LRPPRC: variants seen among roughly 807,000 people sequenced by gnomAD.
LRPPRC encodes the protein leucine rich pentatricopeptide repeat containing.
Under a neutral mutation model 180.3 loss-of-function variants are expected in LRPPRC, and 120 were observed. The observed-to-expected ratio is 0.67, with a 90% CI of 0.57 to 0.77. LRPPRC has a LOEUF of 0.77. LRPPRC is among the 30% of genes least tolerant of loss of function. LRPPRC has a pLI of 0.00. For missense variants in LRPPRC, 2,012 were observed against 1,657.2 expected, an observed-to-expected ratio of 1.21 and a Z score of -3.72; for synonymous variants, 723 against 600.0, an observed-to-expected ratio of 1.21 and a Z score of -3.00.
At chr2:43,987,404 A>C (rs1572584845) in intron 1 of LRPPRC, among the ~76,000 whole-genome samples, 1 of 148,406 alleles carries the variant, frequency 6.7e-6, no homozygotes, top group African/African-American at 2.5e-5. Flanking sequence ...CTGAGGCAGG[A>C]GAATGGCGTT....
intron 1 of LRPPRC, 128 bp downstream of exon 1, chr2:43,995,671 G>A (rs1675019133): frequency 2.2e-6 from 2 of 899,354 alleles, no homozygotes; most frequent in South Asian, 2.8e-5. Flanking sequence ...TGCGGAGCCC[G>A]GGGAGGCTAG....
In LRPPRC at chr2:43,935,887, C is replaced by CTCA. The variant is rs538728980; in HGVS notation, c.2505-1010_2505-1009insTGA. ...CAGCACTTTGGGAGGCCAAGGAGGG[C>CTCA]GGATCACCTGAGGTGGAGAAACCCC... is the stretch of plus-strand genomic sequence containing the variant. On this transcript the variant is annotated intron_variant, in intron 23 of 37. Coordinates refer to ENST00000260665, the MANE Select transcript of LRPPRC (RefSeq NM_133259.4). 1.1e-3 allele frequency among the ~76,000 whole-genome samples: 163 copies of CTCA among 152,086 alleles called. 1 individual carries two copies. Among genetic ancestry groups the CTCA allele is most frequent in the African/African-American group, 3.8e-3 (159 of 41,494 alleles).
At chr2:43,956,768 T>C (rs972533256) in intron 14 of LRPPRC, among the ~76,000 whole-genome samples, 25 of 152,042 alleles carry the variant, frequency 1.6e-4, no homozygotes, top group African/African-American at 5.3e-4. Context: ...TGGGCACCGG[T>C]AGTCCCAGCT....
intron 27 of LRPPRC, among the ~76,000 whole-genome samples, chr2:43,919,690 T>C (rs116391223): frequency 0.011 from 1,707 of 152,260 alleles, 41 homozygotes; most frequent in African/African-American, 0.039. Context: ...TCATTTAATA[T>C]AATAAATTAG....
intron 11 of LRPPRC, among the ~76,000 whole-genome samples, chr2:43,971,948 T>C (rs565965188): frequency 2.6e-5 from 4 of 152,138 alleles, no homozygotes; most frequent in Admixed American, 1.3e-4. Context: ...TAAACTTTTA[T>C]ATTTTTTCAG....
chr2:43,974,424 A>G (rs1673958261), intron 8 of LRPPRC, 129 bp from the exon 9 acceptor site: 3 of 835,184 alleles, frequency 3.6e-6, no homozygotes, highest in East Asian at 5.3e-5. Flanking sequence ...CTAAATAACA[A>G]TAAAACACCT....
Position 43,925,975 on chromosome 2 carries a change from T to C in LRPPRC, c.2737-14A>G. 1.3e-6 allele frequency: 2 copies of C among 1,513,190 alleles called. No homozygotes were observed. The highest frequency in any genetic ancestry group is 1.8e-6 in the Non-Finnish European group (2 of 1,087,776). 93.7% of individuals were successfully genotyped at this position (1,513,190 alleles called of 1,614,324 possible). A position where few individuals can be genotyped will look rare whatever the true frequency, so the allele number is the denominator to read the frequency against. On this transcript the variant is annotated splice_polypyrimidine_tract_variant and intron_variant, in intron 25 of 37. Transcript: ENST00000260665. ...AATCCCTGGAGTCTGTAAAATAAAATAATCACATAGCACCCAAGGTAAGGC... is the reference window on the plus strand; with the variant it reads ...AATCCCTGGAGTCTGTAAAATAAAACAATCACATAGCACCCAAGGTAAGGC...
At chr2:43,995,596 C>T (rs999616481) in intron 1 of LRPPRC, among the ~76,000 whole-genome samples, 1 of 152,228 alleles carries the variant, frequency 6.6e-6, no homozygotes, top group Non-Finnish European at 1.5e-5. Context: ...CAGGCCATGC[C>T]CACAGCCGTG....
At chr2:43,891,676 C>T (rs1670497795) in intron 36 of LRPPRC, among the ~76,000 whole-genome samples, 1 of 152,156 alleles carries the variant, frequency 6.6e-6, no homozygotes, top group South Asian at 2.1e-4. Context: ...TTCTGAGACA[C>T]AACAATATTG....
At chr2:43,890,424 A>T in intron 36 of LRPPRC, 1 of 456,068 alleles carries the variant, frequency 2.2e-6, no homozygotes, top group Middle Eastern at 6.1e-4. Context: ...ACACACAAAA[A>T]ACCTATAGGC....
intron 15 of LRPPRC, among the ~76,000 whole-genome samples, chr2:43,950,279 G>A (rs144340094): frequency 6.6e-6 from 1 of 151,844 alleles, no homozygotes; most frequent in African/African-American, 2.4e-5. Flanking sequence ...TGTTACATCG[G>A]TAAACGTGTG....
chr2:43,947,651 GGT>G, intron 19 of LRPPRC, 78 bp downstream of exon 19: 1 of 890,894 alleles, frequency 1.1e-6, no homozygotes, highest in Non-Finnish European at 1.9e-6. Context: ...AGGAATCACT[GGT>G]TTTATAAGTA....
chr2:43,910,056 G>C (rs1454541903), intron 30 of LRPPRC, among the ~76,000 whole-genome samples: 4 of 152,042 alleles, frequency 2.6e-5, no homozygotes, highest in African/African-American at 9.7e-5. Flanking sequence ...GAAATACTTT[G>C]AAATAGTCTA....
chr2:43,973,995 A>C (rs1673936493), intron 9 of LRPPRC, 95 bp from the exon 10 acceptor site: 1 of 1,108,658 alleles, frequency 9.0e-7, no homozygotes, highest in Non-Finnish European at 1.4e-6. Context: ...TGAGCATTTT[A>C]AACCCCGCAT....
At chr2:43,953,453 A>G (rs774236071) in intron 14 of LRPPRC, among the ~76,000 whole-genome samples, 15 of 152,264 alleles carry the variant, frequency 9.9e-5, no homozygotes, top group Non-Finnish European at 1.8e-4. Context: ...GAATAAAGAC[A>G]GATTTGCAAC....
At chr2:43,917,450 T>C (rs1370344973) in intron 29 of LRPPRC, among the ~76,000 whole-genome samples, 1 of 151,520 alleles carries the variant, frequency 6.6e-6, no homozygotes, top group Non-Finnish European at 1.5e-5. Flanking sequence ...TTCAGAACAT[T>C]TCCCTATAAG....
At position 43,894,231 on chromosome 2, in the gene LRPPRC, A is replaced by G. The variant is rs576312181; in HGVS notation, c.3985+314T>C. ...GGGAGACTGAACTGGTTTCTGATAT[A>G]TAAGTCCAAGAGGATTTCCAGGTCT... On this transcript the variant is annotated intron_variant, in intron 36 of 37. Transcript: ENST00000260665. Among the ~76,000 whole-genome samples the G allele has an allele frequency of 3.9e-5, 6 of 152,314 alleles. No individual in the cohort carries two copies. The East Asian group carries it at 7.7e-4, about 20-fold the overall frequency.
chr2:43,950,928 G>A (rs1672876518), intron 14 of LRPPRC, among the ~76,000 whole-genome samples: 1 of 152,162 alleles, frequency 6.6e-6, no homozygotes, highest in African/African-American at 2.4e-5. Flanking sequence ...AAATTAGCCG[G>A]GAGTGTTGGT....
chr2:43,950,610 G>C lies in LRPPRC; in HGVS notation c.1650-10C>G, dbSNP rs759842763. On this transcript the variant is annotated splice_polypyrimidine_tract_variant and intron_variant, in intron 14 of 37. Coordinates refer to ENST00000260665, the MANE Select transcript of LRPPRC (RefSeq NM_133259.4). ...ATTTATATTCATAGACCTGCAGAGG[G>C]CAGCAAAGGATCGAAAATAAACCCA... 4 of 1,611,974 alleles carry C rather than the reference G, an allele frequency of 2.5e-6. No homozygotes were observed. The South Asian group carries it at 4.4e-5, about 18-fold the overall frequency.
Sources: gnomAD v4.1 joint callset for allele counts (sites outside exome capture counted in the v4.1 genomes callset) on GRCh38, gnomAD v4.1.1 for gene constraint, MANE v1.5 for transcripts, NCBI Gene and HGNC (gene_info 2026-07-23, HGNC 2026-07-21) for gene names.